PCDHA2: variants seen among roughly 807,000 people sequenced by gnomAD.
PCDHA2 encodes the protein protocadherin alpha 2, also known as protocadherin alpha-2.
A neutral mutation model predicts 66.0 loss-of-function variants in PCDHA2; 58 were observed. That is an observed-to-expected ratio of 0.88 (90% CI 0.71 to 1.09). The LOEUF (loss-of-function observed/expected upper bound fraction) is 1.09, where lower values mean the gene tolerates loss of function less well. Ranked by LOEUF, PCDHA2 falls within the 50% of genes least tolerant of loss-of-function variation. The probability of loss-of-function intolerance (pLI) is 0.00; values close to 1 mark genes in which losing one functional copy is unlikely to be tolerated. For synonymous variants in PCDHA2, 634 were observed against 554.0 expected (o/e 1.14, Z -2.03); for missense variants, 1,267 against 1,242.3 (o/e 1.02, Z -0.30).
intron 1 of PCDHA2, among the ~76,000 whole-genome samples, chr5:140,900,355 G>A (rs555553636): frequency 1.4e-4 from 21 of 152,070 alleles, no homozygotes; most frequent in East Asian, 3.9e-4. Flanking sequence ...TTGGCTCACC[G>A]CAACCTCTGC....
rs145175505 is a variant in PCDHA2 at position 140,843,176 on chromosome 5, C to G, written c.2388+45824C>G. On this transcript the variant is annotated intron_variant, in intron 1 of 3. Coordinates refer to ENST00000526136, the MANE Select transcript of PCDHA2 (RefSeq NM_018905.3). Reference sequence around the variant, plus strand: ...GCTGCAGCCAGCTGCAAGCAGCCCTCGCATCCCGTTCCGCGTGGGGCTGTA... The same window carrying G: ...GCTGCAGCCAGCTGCAAGCAGCCCTGGCATCCCGTTCCGCGTGGGGCTGTA... 2 of 1,595,968 alleles carry G rather than the reference C, an allele frequency of 1.3e-6. No homozygotes were observed. Among genetic ancestry groups the G allele is most frequent in the Non-Finnish European group, 1.7e-6 (2 of 1,165,618 alleles).
At chr5:140,872,584 G>A (rs183302964) in intron 1 of PCDHA2, among the ~76,000 whole-genome samples, 8 of 152,212 alleles carry the variant, frequency 5.3e-5, no homozygotes, top group Admixed American at 5.2e-4. Flanking sequence ...CTATCATCGT[G>A]AGACCCCCAT....
chr5:140,862,406 T>C, intron 1 of PCDHA2: 1 of 350,092 alleles, frequency 2.9e-6, no homozygotes, highest in Non-Finnish European at 5.6e-6. Flanking sequence ...GTGTCTACCT[T>C]CAAAAGGCGC....
intron 1 of PCDHA2, chr5:140,877,885 T>C: frequency 1.4e-6 from 2 of 1,463,874 alleles, no homozygotes; most frequent in Non-Finnish European, 1.8e-6. Flanking sequence ...CTTGAAGAAC[T>C]TCCGTTTAGG....
At chr5:140,997,406 C>T (rs2097769706) in intron 3 of PCDHA2, among the ~76,000 whole-genome samples, 1 of 152,094 alleles carries the variant, frequency 6.6e-6, no homozygotes, top group Admixed American at 6.6e-5. Flanking sequence ...TATCGTATGG[C>T]CTATTTCTCC....
intron 1 of PCDHA2, chr5:140,861,770 C>CCAAT (rs386405128): frequency 6.2e-6 from 1 of 161,486 alleles, no homozygotes; most frequent in Non-Finnish European, 1.3e-5. Flanking sequence ...CCTGGAAATA[C>CCAAT]CAAGAGCAGG....
chr5:140,821,784 T>C, intron 1 of PCDHA2: 1 of 1,611,044 alleles, frequency 6.2e-7, no homozygotes, highest in Non-Finnish European at 8.5e-7. Flanking sequence ...AGATGGTATA[T>C]TCCCGGAGAG....
rs1451807345 is a variant in PCDHA2, at chr5:140,860,140, T to A, written c.2388+62788T>A. 3 of 150,428 alleles carry A rather than the reference T, an allele frequency of 2.0e-5. No homozygotes were observed. The South Asian group carries it at 6.2e-4, about 31-fold the overall frequency. 9.3% of individuals were successfully genotyped at this position (150,428 alleles called of 1,614,324 possible). On this transcript the variant is annotated intron_variant, in intron 1 of 3. Transcript: ENST00000526136. ...CTTGTACTGTGTGTGTGTGTATATA[T>A]ATGTATATATGTGTATATATATATG...
In PCDHA2 at chr5:140,906,570, T is replaced by C. The variant is rs371493282; in HGVS notation, c.2389-72379T>C. ...TGCAACTGGTTGTGTGGTTCATAGCTGGTATTGATGACTACCTTCCTCTAC... is the reference window on the plus strand; with the variant it reads ...TGCAACTGGTTGTGTGGTTCATAGCCGGTATTGATGACTACCTTCCTCTAC... On this transcript the variant is annotated intron_variant, in intron 1 of 3. Coordinates refer to ENST00000526136, the MANE Select transcript of PCDHA2 (RefSeq NM_018905.3). 1.7e-4 allele frequency among the ~76,000 whole-genome samples: 26 copies of C among 152,230 alleles called. No homozygotes were observed. In the East Asian group the frequency reaches 2.1e-3, roughly 12 times the overall value.
intron 1 of PCDHA2, chr5:140,810,260 C>G (rs1478886173): frequency 6.6e-6 from 1 of 152,084 alleles, no homozygotes; most frequent in Non-Finnish European, 1.5e-5. Flanking sequence ...TGCATTGTGC[C>G]TCAATGTCTA....
At chr5:140,990,318 A>C (rs2097387548) in intron 3 of PCDHA2, among the ~76,000 whole-genome samples, 1 of 152,054 alleles carries the variant, frequency 6.6e-6, no homozygotes, top group Admixed American at 6.5e-5. Context: ...AACCAACCAA[A>C]CAAACTTTAA....
intron 1 of PCDHA2, chr5:140,883,434 T>G (rs2059607581): frequency 1.2e-6 from 2 of 1,614,038 alleles, no homozygotes; most frequent in Admixed American, 3.3e-5. Flanking sequence ...ACCTGCACCT[T>G]GACGCCGCAT....
At chr5:140,968,044 A>G (rs959631573) in intron 1 of PCDHA2, 2 of 1,614,024 alleles carry the variant, frequency 1.2e-6, no homozygotes, top group Non-Finnish European at 1.7e-6. Context: ...TGAGCGGCCC[A>G]CTGGACCGAG....
intron 1 of PCDHA2, among the ~76,000 whole-genome samples, chr5:140,820,975 A>G (rs1766869804): frequency 6.6e-6 from 1 of 152,154 alleles, no homozygotes; most frequent in South Asian, 2.1e-4. Flanking sequence ...TACAAAAAGT[A>G]GATAGGTGTT....
intron 1 of PCDHA2, among the ~76,000 whole-genome samples, chr5:140,934,664 T>G (rs1268113575): frequency 1.3e-5 from 2 of 152,176 alleles, no homozygotes; most frequent in Admixed American, 6.5e-5. Flanking sequence ...TCTTCCCCTT[T>G]GTTTAGCAGT....
chr5:140,946,527 G>A (rs1414920308), intron 1 of PCDHA2, among the ~76,000 whole-genome samples: 1 of 150,718 alleles, frequency 6.6e-6, no homozygotes, highest in Non-Finnish European at 1.5e-5. Flanking sequence ...GCACTCCCAT[G>A]TTCATTGCAG....
chr5:140,930,055 A>G (rs1249446079), intron 1 of PCDHA2: 2 of 152,206 alleles, frequency 1.3e-5, no homozygotes, highest in Admixed American at 6.5e-5. Context: ...GTTTTTGCTT[A>G]CACAAAAACT....
intron 1 of PCDHA2, among the ~76,000 whole-genome samples, chr5:140,894,823 A>G (rs933081275): frequency 2.0e-5 from 3 of 152,080 alleles, no homozygotes; most frequent in Non-Finnish European, 2.9e-5. Context: ...AGATTTGCCC[A>G]TAATCCTTTT....
At chr5:140,854,039 C>G (rs1301679696) in intron 1 of PCDHA2, 1 of 287,104 alleles carries the variant, frequency 3.5e-6, no homozygotes, top group Admixed American at 6.8e-5. Context: ...GCACACATCT[C>G]TAGTCCCAAT....
Sources: gnomAD v4.1 joint callset for allele counts (sites outside exome capture counted in the v4.1 genomes callset) on GRCh38, gnomAD v4.1.1 for gene constraint, MANE v1.5 for transcripts, NCBI Gene and HGNC (gene_info 2026-07-23, HGNC 2026-07-21) for gene names.